The following KCNIP3 variants were observed in gnomAD, a reference collection of about 807,000 sequenced individuals.
The protein encoded by KCNIP3 is potassium voltage-gated channel interacting protein 3.
KCNIP3 carries 28 observed loss-of-function variants against 35.0 expected under a neutral mutation model. The ratio of observed to expected loss-of-function variants is 0.80; its 90% CI spans 0.59 to 1.10. KCNIP3 has a LOEUF of 1.10. KCNIP3 is among the 50% of genes least tolerant of loss of function. The pLI is 0.00. For missense variants in KCNIP3, 295 were observed against 338.4 expected (o/e 0.87, Z 1.01); for synonymous variants, 134 against 133.8 (o/e 1.00, Z -0.01).
In KCNIP3 at chr2:95,370,451, A is replaced by G. The variant is rs565396954; in HGVS notation, c.182-3845A>G. Among the ~76,000 whole-genome samples, 15 of 152,364 alleles carry G rather than the reference A, an allele frequency of 9.8e-5. 3 individuals are homozygous for G. In the South Asian group the frequency reaches 3.1e-3, roughly 32 times the overall value. ...CAACACCTGAGATGCTTAGGGAGGT[A>G]TCTCCACTCTGGCTGAGCCAGTACT... On this transcript the variant is annotated intron_variant, in intron 2 of 8. Transcript: ENST00000295225.
At chr2:95,351,644 T>C (rs565741562) in intron 2 of KCNIP3, among the ~76,000 whole-genome samples, 30 of 152,364 alleles carry the variant, frequency 2.0e-4, no homozygotes, top group Non-Finnish European at 3.8e-4. Context: ...ACAGATGTCA[T>C]GCCTGAAACC....
chr2:95,379,449 T>C (rs1680284138), intron 5 of KCNIP3, among the ~76,000 whole-genome samples: 1 of 86,484 alleles, frequency 1.2e-5, no homozygotes, highest in Non-Finnish European at 2.2e-5. Flanking sequence ...CACAGCTCCA[T>C]CCTCGCTGGG....
chr2:95,354,441 T>C (rs1679603574), intron 2 of KCNIP3, among the ~76,000 whole-genome samples: 1 of 152,232 alleles, frequency 6.6e-6, no homozygotes, highest in Non-Finnish European at 1.5e-5. Context: ...TCTGGGACGG[T>C]GCCCTCTGCA....
At chr2:95,326,568 T>G (rs1678800805) in intron 2 of KCNIP3, among the ~76,000 whole-genome samples, 1 of 152,240 alleles carries the variant, frequency 6.6e-6, no homozygotes, top group Non-Finnish European at 1.5e-5. Flanking sequence ...GGACACCCCC[T>G]GCTGCACTGC....
At chr2:95,336,295 T>C (rs1406431960) in intron 2 of KCNIP3, among the ~76,000 whole-genome samples, 1 of 152,202 alleles carries the variant, frequency 6.6e-6, no homozygotes. Context: ...TTCCCCAGCT[T>C]CCACAACTAT....
In KCNIP3 at chr2:95,331,653, T is replaced by G. The variant is rs185149955; in HGVS notation, c.181+21133T>G. Among the ~76,000 whole-genome samples the G allele has an allele frequency of 2.6e-3, 403 of 152,332 alleles. 2 individuals are homozygous for G. Among genetic ancestry groups the G allele is most frequent in the Non-Finnish European group, 4.8e-3 (325 of 68,032 alleles). On this transcript the variant is annotated intron_variant, in intron 2 of 8. Coordinates refer to ENST00000295225, the MANE Select transcript of KCNIP3 (RefSeq NM_013434.5). ...TTTGCAGAAGGCTGCTATTGTTTCTTCTGTTCAGAAAGACACCTATCCACA... is the reference window on the plus strand; with the variant it reads ...TTTGCAGAAGGCTGCTATTGTTTCTGCTGTTCAGAAAGACACCTATCCACA...
chr2:95,321,144 C>T (rs1266793816), intron 2 of KCNIP3, among the ~76,000 whole-genome samples: 2 of 149,888 alleles, frequency 1.3e-5, no homozygotes, highest in Non-Finnish European at 3.0e-5. Context: ...GAAGTCTAGG[C>T]CCTTTCCTCC....
At chr2:95,383,879 C>T in intron 8 of KCNIP3, 123 bp from the exon 9 acceptor site, 1 of 839,152 alleles carries the variant, frequency 1.2e-6, no homozygotes, top group Non-Finnish European at 2.1e-6. Flanking sequence ...GCTCCCTGCA[C>T]CCAATAAGAC....
At chr2:95,298,448 C>T (rs1677933838) in intron 1 of KCNIP3, among the ~76,000 whole-genome samples, 1 of 152,088 alleles carries the variant, frequency 6.6e-6, no homozygotes, top group African/African-American at 2.4e-5. Context: ...CTCATACTGA[C>T]ATATGAGCAG....
intron 2 of KCNIP3, among the ~76,000 whole-genome samples, chr2:95,323,249 AG>A (rs1157402961): frequency 6.6e-6 from 1 of 152,170 alleles, no homozygotes; most frequent in Non-Finnish European, 1.5e-5. Context: ...GTCCCTCCCC[AG>A]TATGCTGGGC....
intron 2 of KCNIP3, among the ~76,000 whole-genome samples, chr2:95,362,692 G>A (rs1182841766): frequency 1.3e-5 from 2 of 152,088 alleles, no homozygotes; most frequent in Non-Finnish European, 2.9e-5. Context: ...GCAGGAATGC[G>A]AGCAGTGGGG....
At chr2:95,381,318 C>T (rs1680333352) in intron 5 of KCNIP3, among the ~76,000 whole-genome samples, 1 of 152,172 alleles carries the variant, frequency 6.6e-6, no homozygotes, top group Admixed American at 6.5e-5. Context: ...CAGGTTCACA[C>T]ATACAGATGC....
chr2:95,332,440 G>A (rs995549023), intron 2 of KCNIP3, among the ~76,000 whole-genome samples: 14 of 152,264 alleles, frequency 9.2e-5, no homozygotes, highest in African/African-American at 3.1e-4. Context: ...ATGGCGGAAC[G>A]CCATCTCTTA....
intron 2 of KCNIP3, among the ~76,000 whole-genome samples, chr2:95,319,455 G>C (rs1472187030): frequency 6.6e-6 from 1 of 152,242 alleles, no homozygotes; most frequent in East Asian, 1.9e-4. Context: ...AGTGGACCCT[G>C]GGCCGCTTCT....
intron 2 of KCNIP3, among the ~76,000 whole-genome samples, chr2:95,326,887 G>A (rs1007088994): frequency 6.6e-6 from 1 of 152,186 alleles, no homozygotes; most frequent in Admixed American, 6.5e-5. Flanking sequence ...CCTCGGCAGG[G>A]CACTCATGCG....
chr2:95,332,976 A>AAT (rs1361542741), intron 2 of KCNIP3, among the ~76,000 whole-genome samples: 2 of 152,170 alleles, frequency 1.3e-5, no homozygotes, highest in African/African-American at 4.8e-5. Context: ...TGCTTAATAA[A>AAT]ATGTAAAGTT....
chr2:95,360,300 C>G (rs930064906), intron 2 of KCNIP3, among the ~76,000 whole-genome samples: 1 of 152,150 alleles, frequency 6.6e-6, no homozygotes, highest in Non-Finnish European at 1.5e-5. Context: ...TCTCCAGTTT[C>G]CAATACCTTA....
At chr2:95,361,773 C>T (rs938944178) in intron 2 of KCNIP3, among the ~76,000 whole-genome samples, 3 of 152,172 alleles carry the variant, frequency 2.0e-5, no homozygotes, top group Admixed American at 6.5e-5. Flanking sequence ...GAGCACCTCC[C>T]ATGCACAGGC....
chr2:95,341,435 C>T (rs1245491788), intron 2 of KCNIP3, among the ~76,000 whole-genome samples: 1 of 152,180 alleles, frequency 6.6e-6, no homozygotes, highest in African/African-American at 2.4e-5. Flanking sequence ...TGAGAATGGA[C>T]TAATACAGAG....
Sources: allele counts gnomAD v4.1 joint callset (sites outside exome capture counted in the v4.1 genomes callset), GRCh38; gene constraint gnomAD v4.1.1; transcripts MANE v1.5; gene names NCBI Gene and HGNC (gene_info 2026-07-23, HGNC 2026-07-21).